The following DERA variants were observed in gnomAD, a reference collection of about 807,000 sequenced individuals.
DERA encodes the protein 2-deoxy-D-ribose 5-phosphate aldolase.
DERA carries 15 observed loss-of-function variants against 41.1 expected under a neutral mutation model. That is an observed-to-expected ratio of 0.37 (90% CI 0.24 to 0.56). DERA has a LOEUF of 0.56. Ranked by LOEUF, DERA falls within the 20% of genes least tolerant of loss-of-function variation. The pLI is 0.81. For synonymous variants in DERA, 139 were observed against 137.4 expected, an observed-to-expected ratio of 1.01 and a Z score of -0.08; for missense variants, 396 against 403.4, an observed-to-expected ratio of 0.98 and a Z score of 0.16.
chr12:15,927,458 A>G (rs1233778843), intron 1 of DERA, among the ~76,000 whole-genome samples: 4 of 152,208 alleles, frequency 2.6e-5, no homozygotes, highest in East Asian at 3.8e-4. Context: ...CAGAATTTAA[A>G]TATGTAAGTT....
chr12:15,956,569 C>T (rs1412963706), intron 1 of DERA: 6 of 365,518 alleles, frequency 1.6e-5, no homozygotes, highest in Non-Finnish European at 2.7e-5. Flanking sequence ...TGGACACTCA[C>T]CAGTAAGTCT....
At chr12:15,946,782 C>T (rs28819099) in intron 1 of DERA, among the ~76,000 whole-genome samples, 1,934 of 152,038 alleles carry the variant, frequency 0.013, 52 homozygotes, top group African/African-American at 0.045. Flanking sequence ...TAAATGTGTT[C>T]GCTCTTGCTT....
chr12:15,964,248 T>C (rs1250195135), intron 5 of DERA, among the ~76,000 whole-genome samples: 2 of 152,222 alleles, frequency 1.3e-5, no homozygotes, highest in Non-Finnish European at 1.5e-5. Context: ...CCTTTGCCCG[T>C]TGGCCTGAGC....
chr12:15,931,705 G>C lies in DERA; in HGVS notation c.31+20291G>C, dbSNP rs1028600696. ...TGGCAGTGTTGGGAGATGGGGCCTA[G>C]TGAGAGGTCTTTGGGTCATGTAGGT... On this transcript the variant is annotated intron_variant, in intron 1 of 8. Transcript: ENST00000428559. The surrounding 1 kb of genome is among the most constrained non-coding windows in gnomAD (Gnocchi z 4.6). Among the ~76,000 whole-genome samples the C allele has an allele frequency of 1.3e-5, 2 of 152,186 alleles. No homozygotes were observed. Among genetic ancestry groups the C allele is most frequent in the African/African-American group, 4.8e-5 (2 of 41,450 alleles).
chr12:16,033,720 C>T (rs1306833297), intron 7 of DERA, among the ~76,000 whole-genome samples: 1 of 151,180 alleles, frequency 6.6e-6, no homozygotes, highest in Admixed American at 6.6e-5. Context: ...ATCCTTTGTC[C>T]ATTGGATGTG....
intron 6 of DERA, among the ~76,000 whole-genome samples, chr12:16,030,224 G>T (rs181676531): frequency 6.6e-6 from 1 of 151,698 alleles, no homozygotes; most frequent in Non-Finnish European, 1.5e-5. Context: ...GAGCCACCAC[G>T]TCCAGCCAGT....
In DERA at chr12:15,965,598, T is replaced by C. The variant is rs1948616603; in HGVS notation, c.508+2651T>C. On this transcript the variant is annotated intron_variant, in intron 5 of 8. Transcript: ENST00000428559. The surrounding 1 kb of genome is among the most constrained non-coding windows in gnomAD (Gnocchi z 4.1). ...ATGTGAGAGTCCACAGTTTAGGGTA[T>C]GAATTCGAGGAGACTGGAGTTTGGG... Among the ~76,000 whole-genome samples, 1 of 152,170 alleles carries C rather than the reference T, an allele frequency of 6.6e-6. No homozygotes were observed. The highest frequency in any genetic ancestry group is 2.4e-5 in the African/African-American group (1 of 41,432).
Position 15,954,933 on chromosome 12 carries a change from T to C in DERA, c.32-2003T>C, listed in dbSNP as rs1948526411. Among the ~76,000 whole-genome samples the C allele has an allele frequency of 6.6e-6, 1 of 152,098 alleles. No individual in the cohort carries two copies. The highest frequency in any genetic ancestry group is 1.5e-5 in the Non-Finnish European group (1 of 68,014). ...GGAGTTCACATACTCTTCACTCATTTTTCTATATCTGCTTGAAACAGTCTT... is the reference window on the plus strand; with the variant it reads ...GGAGTTCACATACTCTTCACTCATTCTTCTATATCTGCTTGAAACAGTCTT... On this transcript the variant is annotated intron_variant, in intron 1 of 8. Transcript: ENST00000428559. The surrounding 1 kb of genome is among the most constrained non-coding windows in gnomAD (Gnocchi z 4.0).
Position 16,008,270 on chromosome 12 carries a change from C to T in DERA, c.638-24272C>T, listed in dbSNP as rs1258484629. ...TTCTCAAACAGGAATCCTACTACTC[C>T]GTGGCTTCTCACTTTTAGCTTTTCC... On this transcript the variant is annotated intron_variant, in intron 6 of 8. Coordinates refer to ENST00000428559, the MANE Select transcript of DERA (RefSeq NM_015954.4). This position sits in a 1 kb window ranked among gnomAD's most constrained non-coding sequence, Gnocchi z 4.8. 2.0e-5 allele frequency among the ~76,000 whole-genome samples: 3 copies of T among 152,236 alleles called. No individual in the cohort carries two copies. The highest frequency in any genetic ancestry group is 4.4e-5 in the Non-Finnish European group (3 of 68,038).
intron 6 of DERA, among the ~76,000 whole-genome samples, chr12:15,991,447 A>G (rs527596915): frequency 6.6e-6 from 1 of 152,104 alleles, no homozygotes; most frequent in East Asian, 1.9e-4. Context: ...AGCCATGTTT[A>G]TGTAACAGTT....
At position 15,954,182 on chromosome 12, in the gene DERA, G is replaced by T. The variant is rs1023711537; in HGVS notation, c.32-2754G>T. 6.6e-6 allele frequency among the ~76,000 whole-genome samples: 1 copy of T among 152,202 alleles called. No individual in the cohort carries two copies. Among genetic ancestry groups the T allele is most frequent in the Non-Finnish European group, 1.5e-5 (1 of 68,044 alleles). ...CCTCAGTCCCATATTTTCTTGTAGA[G>T]ATCCAAAAGCCCTTTCTAGTCTGAA... is the stretch of plus-strand genomic sequence containing the variant. On this transcript the variant is annotated intron_variant, in intron 1 of 8. Transcript: ENST00000428559. This position sits in a 1 kb window ranked among gnomAD's most constrained non-coding sequence, Gnocchi z 4.0.
chr12:15,926,287 C>T (rs1444710546), intron 1 of DERA, among the ~76,000 whole-genome samples: 2 of 152,098 alleles, frequency 1.3e-5, no homozygotes, highest in East Asian at 1.9e-4. Context: ...TCAGCCTCCT[C>T]AGTAGCTGGG....
intron 5 of DERA, among the ~76,000 whole-genome samples, chr12:15,973,444 A>G (rs111410621): frequency 0.029 from 922 of 32,154 alleles, 7 homozygotes; most frequent in African/African-American, 0.081. Context: ...TATGGCAAGA[A>G]TTGCTTTTTT....
In DERA at chr12:15,957,067, T is replaced by C. The variant is rs754469182; in HGVS notation, c.129+34T>C. On this transcript the variant is annotated intron_variant, in intron 2 of 8. Coordinates refer to ENST00000428559, the MANE Select transcript of DERA (RefSeq NM_015954.4). The surrounding 1 kb of genome is among the most constrained non-coding windows in gnomAD (Gnocchi z 4.8). ...TCTTCTTGAGCATTCTGTGCCTGTA[T>C]TTTACAATGCATGGTCTCTTCCCTC... 6.6e-7 allele frequency: 1 copy of C among 1,509,414 alleles called. No individual in the cohort carries two copies. Among genetic ancestry groups the C allele is most frequent in the East Asian group, 2.3e-5 (1 of 44,296 alleles). 93.5% of individuals were successfully genotyped at this position (1,509,414 alleles called of 1,614,324 possible). A position where few individuals can be genotyped will look rare whatever the true frequency, so the allele number is the denominator to read the frequency against.
At chr12:15,948,668 T>G (rs1268954761) in intron 1 of DERA, among the ~76,000 whole-genome samples, 2 of 152,206 alleles carry the variant, frequency 1.3e-5, no homozygotes, top group African/African-American at 4.8e-5. Flanking sequence ...CTCGGAGTAG[T>G]TTGATCATCT....
intron 6 of DERA, among the ~76,000 whole-genome samples, chr12:16,005,324 C>G (rs1948901910): frequency 6.6e-6 from 1 of 152,178 alleles, no homozygotes; most frequent in South Asian, 2.1e-4. Context: ...GGCGCACCTA[C>G]AGTCCTAGCT....
At chr12:15,969,063 T>A (rs898872343) in intron 5 of DERA, among the ~76,000 whole-genome samples, 7 of 152,256 alleles carry the variant, frequency 4.6e-5, no homozygotes, top group African/African-American at 1.7e-4. Context: ...GTTTTCATTT[T>A]CAGTGAATAT....
At chr12:15,914,986 C>T (rs1313108907) in intron 1 of DERA, among the ~76,000 whole-genome samples, 1 of 152,056 alleles carries the variant, frequency 6.6e-6, no homozygotes, top group East Asian at 1.9e-4. Context: ...CCATGTTGGC[C>T]AGGTTGGTGG....
chr12:16,027,807 C>T (rs888697542), intron 6 of DERA, among the ~76,000 whole-genome samples: 1 of 152,172 alleles, frequency 6.6e-6, no homozygotes, highest in Non-Finnish European at 1.5e-5. Context: ...TCTTTGTTTA[C>T]AAACATGATC....
Sources: allele counts gnomAD v4.1 joint callset (sites outside exome capture counted in the v4.1 genomes callset), GRCh38; gene constraint gnomAD v4.1.1; non-coding constraint Gnocchi (gnomAD v3.1); transcripts MANE v1.5; gene names NCBI Gene and HGNC (gene_info 2026-07-23, HGNC 2026-07-21).